DPY19L1: variants seen among roughly 807,000 people sequenced by gnomAD.
DPY19L1 encodes the protein dpy-19 like C-mannosyltransferase 1.
In DPY19L1, 35 loss-of-function variants were observed where a neutral mutation model predicts 96.9. The ratio of observed to expected loss-of-function variants is 0.36; its 90% confidence interval spans 0.28 to 0.48. The LOEUF is 0.48. Ranked by LOEUF, DPY19L1 falls within the 20% of genes least tolerant of loss-of-function variation. The pLI, the probability that DPY19L1 is intolerant of heterozygous loss-of-function variation, is 0.99. For synonymous variants in DPY19L1, 205 were observed against 252.6 expected (o/e 0.81, Z 1.79); for missense variants, 521 against 777.9 (o/e 0.67, Z 3.93).
intron 13 of DPY19L1, 141 bp downstream of exon 13, chr7:34,954,553 ACTTT>A (rs1784337221): frequency 4.1e-6 from 2 of 482,380 alleles, no homozygotes; most frequent in African/African-American, 2.1e-5. Context: ...AATTACATTT[ACTTT>A]CTATTATATT....
chr7:34,954,726 G>A lies in DPY19L1; in HGVS notation c.1292C>T (p.Thr431Ile). 1 of 1,565,516 alleles carries A rather than the reference G, an allele frequency of 6.4e-7. No individual in the cohort carries two copies. Among genetic ancestry groups the A allele is most frequent in the Non-Finnish European group, 8.7e-7 (1 of 1,149,204 alleles). Reference sequence around the variant, plus strand: ...ATCTGCAATACCAAAAATTTTAGATGTCAAGTATTTAAGTATGACAGTTCC... The same window carrying A: ...ATCTGCAATACCAAAAATTTTAGATATCAAGTATTTAAGTATGACAGTTCC... ...LFGTVILKYL[T>I]SKIFGIADDA... The change falls in exon 13 of 22, where the codon ACA becomes ATA. Residue 431 changes from threonine (T) to isoleucine (I), a missense_variant. Physicochemically the swap from Thr to Ile is moderately conservative, Grantham distance 89 (BLOSUM62 -1). Transcript: ENST00000638088.
In DPY19L1 at chr7:34,929,592, A is replaced by T. The variant is rs1180499508; in HGVS notation, c.*1981T>A. 2 of 152,208 alleles carry T rather than the reference A, an allele frequency of 1.3e-5. No individual in the cohort carries two copies. The highest frequency in any genetic ancestry group is 2.9e-5 in the Non-Finnish European group (2 of 68,028). The allele number at this position is 152,208 out of a possible 1,614,324, so 9.4% of individuals were successfully genotyped here. A position where few individuals can be genotyped will look rare whatever the true frequency, so the allele number is the denominator to read the frequency against. On this transcript the variant is annotated 3_prime_UTR_variant, in exon 22 of 22. Coordinates refer to ENST00000638088, the MANE Select transcript of DPY19L1 (RefSeq NM_001366673.1). The stretch of plus-strand genomic sequence containing the variant: ...AAATAAATGTAAAAGTATAATTTTT[A>T]AAAATTGTAACTGCTGGATGTACAC...
intron 18 of DPY19L1, among the ~76,000 whole-genome samples, chr7:34,941,119 C>T (rs1294880402): frequency 1.3e-5 from 2 of 152,126 alleles, no homozygotes; most frequent in Admixed American, 6.6e-5. Context: ...TTTCTGTCTA[C>T]TACTCTCTCC....
intron 1 of DPY19L1, among the ~76,000 whole-genome samples, chr7:35,027,792 T>C (rs1167845920): frequency 6.6e-6 from 1 of 151,706 alleles, no homozygotes; most frequent in Non-Finnish European, 1.5e-5. Context: ...GAGCCAAAAT[T>C]GCGCCATTGC....
chr7:35,036,104 T>C (rs772144732), intron 1 of DPY19L1, among the ~76,000 whole-genome samples: 34 of 152,200 alleles, frequency 2.2e-4, no homozygotes, highest in Admixed American at 7.2e-4. Context: ...GTGGCTGTGA[T>C]CTCAGGGGAA....
chr7:34,943,907 A>G (rs1784080569), intron 16 of DPY19L1, among the ~76,000 whole-genome samples: 1 of 152,020 alleles, frequency 6.6e-6, no homozygotes, highest in Non-Finnish European at 1.5e-5. Context: ...TTAGCCCTCA[A>G]CTCAAATGTT....
rs1784230721 is a variant in DPY19L1 at position 34,949,712 on chromosome 7, A to G, written c.1422+85T>C. ...CCTTCAAACTGAGATAACAGCACAT[A>G]AAGAGTCTGATATAAGAGGAGCACT... is the stretch of plus-strand genomic sequence containing the variant. On this transcript the variant is annotated intron_variant, in intron 14 of 21. Coordinates refer to ENST00000638088, the MANE Select transcript of DPY19L1 (RefSeq NM_001366673.1). 4 of 823,876 alleles carry G rather than the reference A, an allele frequency of 4.9e-6. No homozygotes were observed. In the Admixed American group the frequency reaches 7.9e-5, roughly 16 times the overall value. The allele number at this position is 823,876 out of a possible 1,614,324, so 51.0% of individuals were successfully genotyped here.
chr7:35,011,965 A>T (rs1195591138), intron 4 of DPY19L1, among the ~76,000 whole-genome samples: 1 of 152,262 alleles, frequency 6.6e-6, no homozygotes, highest in East Asian at 1.9e-4. Context: ...GAATGGCTAG[A>T]CAGATCAATA....
chr7:35,017,671 C>T (rs1276258743), intron 3 of DPY19L1, among the ~76,000 whole-genome samples: 2 of 148,252 alleles, frequency 1.3e-5, no homozygotes, highest in African/African-American at 2.5e-5. Flanking sequence ...GACTCCGTCT[C>T]GAAAAAAAAA....
At chr7:34,999,702 A>G (rs889684342) in intron 6 of DPY19L1, among the ~76,000 whole-genome samples, 6 of 152,230 alleles carry the variant, frequency 3.9e-5, no homozygotes, top group Non-Finnish European at 8.8e-5. Flanking sequence ...TACATTTGAC[A>G]AAGTACAAAA....
Position 34,933,094 on chromosome 7 carries a change from G to A in DPY19L1, c.2091-1365C>T, listed in dbSNP as rs535742502. ...ATCATCTCCAATAGCATTTCTCAGA[G>A]GTGACTTCTATAAACAATCCAGCAT... On this transcript the variant is annotated intron_variant, in intron 21 of 21. Transcript: ENST00000638088. Among the ~76,000 whole-genome samples the A allele has an allele frequency of 4.1e-4, 63 of 152,046 alleles. 1 individual carries two copies. Among genetic ancestry groups the A allele is most frequent in the Middle Eastern group, 6.8e-3 (2 of 292 alleles).
intron 6 of DPY19L1, among the ~76,000 whole-genome samples, chr7:34,998,070 T>TA (rs966021234): frequency 4.9e-4 from 75 of 152,220 alleles, no homozygotes; most frequent in African/African-American, 1.8e-3. Flanking sequence ...TAAAGCAGCT[T>TA]AAAAAAATCT....
At chr7:35,026,608 T>C (rs927290826) in intron 1 of DPY19L1, among the ~76,000 whole-genome samples, 2 of 152,190 alleles carry the variant, frequency 1.3e-5, no homozygotes, top group African/African-American at 2.4e-5. Flanking sequence ...AGTGTCATTA[T>C]GTCAGAAGGT....
intron 7 of DPY19L1, among the ~76,000 whole-genome samples, chr7:34,977,856 T>C (rs1156303503): frequency 6.6e-6 from 1 of 152,080 alleles, no homozygotes; most frequent in Non-Finnish European, 1.5e-5. Flanking sequence ...TTTCTAAGTA[T>C]AAGAAATACA....
intron 13 of DPY19L1, among the ~76,000 whole-genome samples, chr7:34,952,405 T>A (rs550104289): frequency 6.6e-6 from 1 of 152,096 alleles, no homozygotes; most frequent in Non-Finnish European, 1.5e-5. Flanking sequence ...GTAAAAAACC[T>A]ACCCATAAAG....
intron 14 of DPY19L1, among the ~76,000 whole-genome samples, chr7:34,949,092 T>C (rs1466603448): frequency 6.6e-6 from 1 of 152,214 alleles, no homozygotes; most frequent in Non-Finnish European, 1.5e-5. Context: ...CAGTACCACA[T>C]GGATGGTGTT....
chr7:34,993,966 T>C (rs1584243130), intron 6 of DPY19L1, among the ~76,000 whole-genome samples: 1 of 151,704 alleles, frequency 6.6e-6, no homozygotes, highest in Non-Finnish European at 1.5e-5. Flanking sequence ...CTCAGGAGGC[T>C]GAGAGTCAAG....
chr7:34,945,108 C>T (rs1379082367), intron 16 of DPY19L1, among the ~76,000 whole-genome samples: 4 of 152,066 alleles, frequency 2.6e-5, no homozygotes, highest in African/African-American at 9.7e-5. Context: ...GGTCACACAT[C>T]AACATTTAAG....
intron 7 of DPY19L1, among the ~76,000 whole-genome samples, chr7:34,983,103 G>C (rs1164655449): frequency 6.6e-6 from 1 of 152,176 alleles, no homozygotes; most frequent in East Asian, 1.9e-4. Context: ...GCTTGGCAGG[G>C]CTTCATGTGG....
Sources: gnomAD v4.1 joint callset for allele counts (sites outside exome capture counted in the v4.1 genomes callset) on GRCh38, gnomAD v4.1.1 for gene constraint, MANE v1.5 for transcripts, NCBI Gene and HGNC (gene_info 2026-07-23, HGNC 2026-07-21) for gene names.